Variants in ARHGEF26 observed in about 807,000 individuals in gnomAD.
ARHGEF26 encodes Rho guanine nucleotide exchange factor 26, also known as Rho guanine nucleotide exchange factor (GEF) 26.
Under a neutral mutation model 89.4 loss-of-function variants are expected in ARHGEF26, and 59 were observed. The observed-to-expected ratio is 0.66, with a 90% CI of 0.54 to 0.82. ARHGEF26 has a LOEUF of 0.82. Among genes scored for constraint, ARHGEF26 ranks in the 40% least tolerant of loss-of-function variants. The pLI is 0.00. For synonymous variants in ARHGEF26, 500 were observed against 428.4 expected, an observed-to-expected ratio of 1.17 and a Z score of -2.06; for missense variants, 1,234 against 1,085.6, an observed-to-expected ratio of 1.14 and a Z score of -1.92.
intron 4 of ARHGEF26, among the ~76,000 whole-genome samples, chr3:154,136,619 A>G (rs748011123): frequency 6.6e-6 from 1 of 152,192 alleles, no homozygotes; most frequent in Non-Finnish European, 1.5e-5. Context: ...AAGACATACT[A>G]TTTTCTAGTA....
intron 7 of ARHGEF26, among the ~76,000 whole-genome samples, chr3:154,189,957 G>A (rs901488478): frequency 5.9e-5 from 9 of 151,752 alleles, no homozygotes; most frequent in Non-Finnish European, 1.0e-4. Flanking sequence ...TTGCTATTCT[G>A]GCATTCTCCC....
At chr3:154,220,705 G>C (rs1229763210) in intron 10 of ARHGEF26, among the ~76,000 whole-genome samples, 1 of 152,018 alleles carries the variant, frequency 6.6e-6, no homozygotes. Flanking sequence ...TTCTAAGCAG[G>C]GAAGTGAAGC....
intron 6 of ARHGEF26, among the ~76,000 whole-genome samples, chr3:154,180,009 T>C (rs1284891630): frequency 6.6e-6 from 1 of 152,290 alleles, no homozygotes; most frequent in Non-Finnish European, 1.5e-5. Context: ...TTTTCTTGCC[T>C]TTTTCAGCTT....
intron 10 of ARHGEF26, among the ~76,000 whole-genome samples, chr3:154,218,304 C>T (rs925576332): frequency 3.3e-5 from 5 of 152,090 alleles, no homozygotes; most frequent in Admixed American, 3.3e-4. Flanking sequence ...TTCTGAAAAA[C>T]AGTAATATTC....
Position 154,122,912 on chromosome 3 carries a change from C to G in ARHGEF26, c.920C>G (p.Ser307Cys), listed in dbSNP as rs370035369. Reference protein sequence around the residue: ...EVDNDVDSPGSLRRGLRSTSY... With the variant: ...EVDNDVDSPGCLRRGLRSTSY... ...GATAACGACGTGGATAGCCCAGGGT[C>G]TCTGCGGAGAGGCTTGCGGTCCACG... The change falls in exon 2 of 15, where the codon TCT becomes TGT. Residue 307 changes from serine to cysteine, a missense_variant. Transcript: ENST00000465093. 1 of 1,613,472 alleles carries G rather than the reference C, an allele frequency of 6.2e-7. No homozygotes were observed.
intron 12 of ARHGEF26, among the ~76,000 whole-genome samples, chr3:154,251,784 G>A (rs1465408056): frequency 2.0e-5 from 3 of 152,120 alleles, no homozygotes; most frequent in Non-Finnish European, 4.4e-5. Flanking sequence ...AAAGAAGCAT[G>A]GTAATAGAAA....
intron 9 of ARHGEF26, among the ~76,000 whole-genome samples, chr3:154,207,693 C>T (rs748706997): frequency 6.6e-6 from 1 of 152,064 alleles, no homozygotes; most frequent in Non-Finnish European, 1.5e-5. Context: ...TGTGGTGATT[C>T]CTTAAAGACC....
Position 154,122,690 on chromosome 3 carries a change from T to G in ARHGEF26, c.698T>G (p.Val233Gly), listed in dbSNP as rs1718052502. ...AACGAGCTCCTCGAGAATCCTTCCG[T>G]GGTTTTGAGTACAAACAGCCCCGCC... ...QENELLENPS[V>G]VLSTNSPAAL... The change falls in exon 2 of 15, where the codon GTG becomes GGG. Residue 233 changes from valine (V) to glycine (G), a missense_variant. Physicochemically the swap from Val to Gly is moderately radical, Grantham distance 109. Coordinates refer to ENST00000465093, the MANE Select transcript of ARHGEF26 (RefSeq NM_015595.4). 1 of 1,613,640 alleles carries G rather than the reference T, an allele frequency of 6.2e-7. No homozygotes were observed. The highest frequency in any genetic ancestry group is 1.1e-5 in the South Asian group (1 of 91,050).
chr3:154,224,749 G>GTTTTGAAAA (rs1716368678), intron 10 of ARHGEF26, among the ~76,000 whole-genome samples: 1 of 152,110 alleles, frequency 6.6e-6, no homozygotes, highest in Non-Finnish European at 1.5e-5. Flanking sequence ...GAAAAGTTTG[G>GTTTTGAAAA]GGTTAGCCAT....
At chr3:154,175,509 C>A (rs2108149323) in intron 6 of ARHGEF26, among the ~76,000 whole-genome samples, 1 of 152,060 alleles carries the variant, frequency 6.6e-6, no homozygotes, top group Middle Eastern at 3.4e-3. Flanking sequence ...ATTGTATTTT[C>A]AAAAATCTTG....
At chr3:154,217,994 A>G (rs768879361) in intron 10 of ARHGEF26, 36 bp downstream of exon 10, 2 of 1,522,320 alleles carry the variant, frequency 1.3e-6, no homozygotes, top group South Asian at 1.2e-5. Flanking sequence ...GTTCTTGCCT[A>G]TGTTTTTCTC....
intron 13 of ARHGEF26, 76 bp downstream of exon 13, chr3:154,253,259 G>A (rs1718275485): frequency 1.3e-6 from 2 of 1,533,034 alleles, no homozygotes; most frequent in African/African-American, 1.4e-5. Flanking sequence ...GGTTACTAAC[G>A]AGTTATATTG....
In ARHGEF26 at chr3:154,152,761, C is replaced by CTT. The variant is rs1175730892; in HGVS notation, c.1327-10_1327-9dup. The CTT allele has an allele frequency of 2.1e-6, 3 of 1,429,176 alleles. No homozygotes were observed. Among genetic ancestry groups the CTT allele is most frequent in the Non-Finnish European group, 2.8e-6 (3 of 1,088,064 alleles). 88.5% of individuals were successfully genotyped at this position (1,429,176 alleles called of 1,614,324 possible). On this transcript the variant is annotated splice_polypyrimidine_tract_variant and intron_variant, in intron 5 of 14. Coordinates refer to ENST00000465093, the MANE Select transcript of ARHGEF26 (RefSeq NM_015595.4). ...AGAATTAATAATACATTTCTTTTTC[C>CTT]TTCTTACCAGGCTATCTTTGAAGTC... is the stretch of plus-strand genomic sequence containing the variant.
At chr3:154,190,208 A>G (rs1336501382) in intron 7 of ARHGEF26, among the ~76,000 whole-genome samples, 2 of 152,010 alleles carry the variant, frequency 1.3e-5, no homozygotes, top group Non-Finnish European at 2.9e-5. Flanking sequence ...GTCAGATTTA[A>G]CATTAGAAAA....
At chr3:154,144,202 C>T (rs1394786952) in intron 4 of ARHGEF26, among the ~76,000 whole-genome samples, 2 of 152,148 alleles carry the variant, frequency 1.3e-5, no homozygotes, top group Non-Finnish European at 1.5e-5. Context: ...TTTTAGAAGG[C>T]AGTGTGCTAC....
chr3:154,248,824 G>A (rs1401016805), intron 12 of ARHGEF26, among the ~76,000 whole-genome samples: 1 of 152,136 alleles, frequency 6.6e-6, no homozygotes, highest in Non-Finnish European at 1.5e-5. Flanking sequence ...TTTAAAATTT[G>A]GCAAATTGAA....
chr3:154,222,319 G>A (rs1222915060), intron 10 of ARHGEF26, among the ~76,000 whole-genome samples: 1 of 152,124 alleles, frequency 6.6e-6, no homozygotes, highest in East Asian at 1.9e-4. Context: ...ACTGTCAAGT[G>A]CTAAACTGCA....
chr3:154,206,995 A>G (rs453699), intron 9 of ARHGEF26, among the ~76,000 whole-genome samples: 138,775 of 152,192 alleles, frequency 0.91, 63,528 homozygotes, highest in East Asian at 1. Flanking sequence ...AAATCTGACC[A>G]AAACAGACTG....
rs112715929 is a variant in ARHGEF26, at chr3:154,211,867, A to ATATGTG, written c.1846-6001_1846-6000insATGTGT. On this transcript the variant is annotated intron_variant, in intron 9 of 14. Coordinates refer to ENST00000465093, the MANE Select transcript of ARHGEF26 (RefSeq NM_015595.4). ...TGTATATGTGTGTGTGTATATATAT[A>ATATGTG]TGTGTGTGTGTGTGTGTGTATTTTA... 1.3e-4 allele frequency among the ~76,000 whole-genome samples: 20 copies of ATATGTG among 151,132 alleles called. No individual in the cohort carries two copies. In the South Asian group the frequency reaches 1.9e-3, roughly 14 times the overall value.
Sources: allele counts gnomAD v4.1 joint callset (sites outside exome capture counted in the v4.1 genomes callset), GRCh38; gene constraint gnomAD v4.1.1; transcripts MANE v1.5; gene names NCBI Gene and HGNC (gene_info 2026-07-23, HGNC 2026-07-21).